The following AFDN variants were observed in gnomAD, a reference collection of about 807,000 sequenced individuals.
AFDN encodes the protein afadin.
In AFDN, 68 loss-of-function variants were observed where a neutral mutation model predicts 216.6. The ratio of observed to expected loss-of-function variants is 0.31; its 90% CI spans 0.26 to 0.38. The LOEUF is 0.38. Among genes scored for constraint, AFDN ranks in the 10% least tolerant of loss-of-function variants. The pLI is 1.00. For missense variants in AFDN, 2,136 were observed against 2,342.0 expected (o/e 0.91, Z 1.82); for synonymous variants, 868 against 853.7 (o/e 1.02, Z -0.29).
intron 28 of AFDN, 139 bp from the exon 29 acceptor site, chr6:167,948,154 A>AT: frequency 3.7e-6 from 3 of 811,682 alleles, no homozygotes; most frequent in Middle Eastern, 5.0e-4. Context: ...AATGTTATTT[A>AT]TTCTCAGTAT....
chr6:167,936,046 T>G (rs1793960640), intron 23 of AFDN, among the ~76,000 whole-genome samples: 1 of 152,218 alleles, frequency 6.6e-6, no homozygotes, highest in Non-Finnish European at 1.5e-5. Context: ...ATACCATATT[T>G]TATATTATCT....
At chr6:167,890,387 A>G (rs1787412239) in intron 7 of AFDN, among the ~76,000 whole-genome samples, 1 of 152,222 alleles carries the variant, frequency 6.6e-6, no homozygotes, top group Non-Finnish European at 1.5e-5. Flanking sequence ...TTTTATTTCA[A>G]TAGGCTTTTG....
intron 23 of AFDN, among the ~76,000 whole-genome samples, chr6:167,936,781 A>G (rs1178058388): frequency 6.6e-6 from 1 of 152,194 alleles, no homozygotes; most frequent in African/African-American, 2.4e-5. Flanking sequence ...GCACTGCCAT[A>G]GCCAGACTGA....
intron 32 of AFDN, chr6:167,968,855 TGGGCAGTATTCCTCCCTCATAGTGAA>T: frequency 2.4e-6 from 1 of 417,294 alleles, no homozygotes; most frequent in Non-Finnish European, 4.4e-6. Context: ...GCTGGGCCAG[TGGGCAGTATTCCTCCCTCATAGTGAA>T]GGGCGTCAGG....
chr6:167,884,079 C>G (rs1279249211), intron 6 of AFDN, among the ~76,000 whole-genome samples: 2 of 152,194 alleles, frequency 1.3e-5, no homozygotes, highest in African/African-American at 4.8e-5. Context: ...CCATAAGAAA[C>G]TACTTTCTTT....
chr6:167,881,699 G>A (rs1204907704), intron 6 of AFDN, among the ~76,000 whole-genome samples: 2 of 152,178 alleles, frequency 1.3e-5, no homozygotes, highest in Non-Finnish European at 2.9e-5. Context: ...AAACTGATGG[G>A]AGGTGGGTGG....
chr6:167,880,288 CTG>C lies in AFDN; in HGVS notation c.740-70_740-69del, dbSNP rs571361344. On this transcript the variant is annotated intron_variant, in intron 5 of 33. Coordinates refer to ENST00000683244, the MANE Select transcript of AFDN (RefSeq NM_001386888.1). ...ATGCAGGTACCTTTTTCTCAAGTGA[CTG>C]TAAATGTTAGCTATCTCTGTTACTG... The C allele has an allele frequency of 5.8e-4, 822 of 1,413,702 alleles. 7 individuals are homozygous for C. In the African/African-American group the frequency reaches 0.011, roughly 19 times the overall value. 87.6% of individuals were successfully genotyped at this position (1,413,702 alleles called of 1,614,324 possible). A position where few individuals can be genotyped will look rare whatever the true frequency, so the allele number is the denominator to read the frequency against.
At chr6:167,885,588 C>T (rs1265501400) in intron 6 of AFDN, among the ~76,000 whole-genome samples, 2 of 152,060 alleles carry the variant, frequency 1.3e-5, no homozygotes, top group Non-Finnish European at 1.5e-5. Flanking sequence ...TTCATGGCAC[C>T]CCAAAACATT....
intron 1 of AFDN, among the ~76,000 whole-genome samples, chr6:167,845,606 C>T (rs751579281): frequency 1.3e-5 from 2 of 152,138 alleles, no homozygotes; most frequent in Non-Finnish European, 2.9e-5. Context: ...CAACTCCTGA[C>T]CTCAGGTGAT....
chr6:167,901,388 A>T (rs1466153294), intron 11 of AFDN, among the ~76,000 whole-genome samples: 1 of 152,170 alleles, frequency 6.6e-6, no homozygotes, highest in African/African-American at 2.4e-5. Context: ...TGAAGAATGT[A>T]GTCGGTCCCA....
At chr6:167,916,240 A>G (rs1791048033) in intron 19 of AFDN, among the ~76,000 whole-genome samples, 1 of 152,228 alleles carries the variant, frequency 6.6e-6, no homozygotes. Flanking sequence ...TGTGTCCGAA[A>G]GACTGCTTTC....
At chr6:167,893,651 T>C (rs367560147) in intron 8 of AFDN, 11 of 533,220 alleles carry the variant, frequency 2.1e-5, no homozygotes, top group African/African-American at 1.3e-4. Context: ...ACAGTCTGCA[T>C]TGGTTTCTAA....
At chr6:167,864,870 G>A (rs1221157937) in intron 2 of AFDN, 124 bp downstream of exon 2, 2 of 1,002,610 alleles carry the variant, frequency 2.0e-6, no homozygotes, top group Non-Finnish European at 3.2e-6. Flanking sequence ...CTTTTGGTGG[G>A]TAGGAGAGTA....
chr6:167,886,751 G>C (rs1786868257), intron 6 of AFDN, among the ~76,000 whole-genome samples: 1 of 152,058 alleles, frequency 6.6e-6, no homozygotes, highest in Non-Finnish European at 1.5e-5. Context: ...AGTGTACATA[G>C]GGTCTGTACT....
intron 29 of AFDN, 97 bp downstream of exon 29, chr6:167,948,575 T>TG: frequency 8.4e-7 from 1 of 1,196,968 alleles, no homozygotes; most frequent in Non-Finnish European, 1.1e-6. Context: ...ACAGCATTGT[T>TG]GGCCTTTTGT....
Position 167,889,068 on chromosome 6 carries a change from T to C in AFDN, c.898-147T>C, listed in dbSNP as rs1583291816. 7.1e-6 allele frequency: 4 copies of C among 566,748 alleles called. No homozygotes were observed. The East Asian group carries it at 1.2e-4, about 17-fold the overall frequency. The allele number at this position is 566,748 out of a possible 1,614,324, so 35.1% of individuals were successfully genotyped here. Reference sequence around the variant, plus strand: ...TGTTACCTTTCACTTTTATTGATGATTATTTTGATGATGAGTGAGAATTGT... The same window carrying C: ...TGTTACCTTTCACTTTTATTGATGACTATTTTGATGATGAGTGAGAATTGT... On this transcript the variant is annotated intron_variant, in intron 6 of 33. Transcript: ENST00000683244.
At chr6:167,837,400 A>G (rs1230187568) in intron 1 of AFDN, among the ~76,000 whole-genome samples, 1 of 138,414 alleles carries the variant, frequency 7.2e-6, no homozygotes, top group Non-Finnish European at 1.6e-5. Flanking sequence ...TTTTTTTTTT[A>G]ACATTTTATT....
chr6:167,963,335 T>C, intron 31 of AFDN: 1 of 1,060,746 alleles, frequency 9.4e-7, no homozygotes, highest in Non-Finnish European at 1.1e-6. Context: ...TTGCTCTGTG[T>C]GGTTTGAGAG....
In AFDN at chr6:167,948,397, T is replaced by C. The variant is rs145700011; in HGVS notation, c.3750T>C (p.Ala1250=). ...FPASKSQDRM[A]PPQNQWPNYE... ...CTTCCAAATCCCAGGATCGGATGGC[T>C]CCTCCTCAGAACCAGTGGCCAAATT... is the stretch of plus-strand genomic sequence containing the variant. The change falls in exon 29 of 34, where the codon GCT becomes GCC. Residue 1250 remains alanine, a synonymous_variant. Transcript: ENST00000683244. 1.6e-5 allele frequency: 26 copies of C among 1,614,098 alleles called. No homozygotes were observed. The African/African-American group carries it at 2.1e-4, about 13-fold the overall frequency.
Sources: gnomAD v4.1 joint callset for allele counts (sites outside exome capture counted in the v4.1 genomes callset) on GRCh38, gnomAD v4.1.1 for gene constraint, MANE v1.5 for transcripts, NCBI Gene and HGNC (gene_info 2026-07-23, HGNC 2026-07-21) for gene names.